The following ECHDC3 variants were observed in gnomAD, a reference collection of about 807,000 sequenced individuals.
ECHDC3 encodes enoyl-CoA hydratase domain-containing protein 3, mitochondrial.
A neutral mutation model predicts 17.9 loss-of-function variants in ECHDC3; 20 were observed. The observed-to-expected ratio is 1.12, with a 90% confidence interval of 0.79 to 1.63. The LOEUF (loss-of-function observed/expected upper bound fraction) is 1.63, where lower values mean the gene tolerates loss of function less well. Ranked by LOEUF, ECHDC3 falls within the 40% of genes most tolerant of loss-of-function variation. The pLI is 0.00. For missense variants in ECHDC3, 407 were observed against 357.7 expected, an observed-to-expected ratio of 1.14 and a Z score of -1.11; for synonymous variants, 177 against 149.7, an observed-to-expected ratio of 1.18 and a Z score of -1.33.
At chr10:11,744,231 A>T (rs1304768968) in intron 1 of ECHDC3, among the ~76,000 whole-genome samples, 1 of 152,226 alleles carries the variant, frequency 6.6e-6, no homozygotes, top group African/African-American at 2.4e-5. Context: ...GTTCAGGGCC[A>T]CACGGCCAGT....
At position 11,755,554 on chromosome 10, in the gene ECHDC3, C is replaced by T. The variant is rs762011827; in HGVS notation, c.537C>T (p.Val179=). ...CTTTTGCCACTCCTGGGGTGAACGT[C>T]GGGCTCTTCTGTTCTACCCCTGGGG... The part of the protein sequence containing the change: ...KSSFATPGVN[V]GLFCSTPGVA... Residue 179 remains valine, a synonymous_variant, in exon 4 of 5, where the codon GTC becomes GTT. Coordinates refer to ENST00000379215, the MANE Select transcript of ECHDC3 (RefSeq NM_024693.5). 2.5e-6 allele frequency: 4 copies of T among 1,613,930 alleles called. No homozygotes were observed. The highest frequency in any genetic ancestry group is 2.5e-6 in the Non-Finnish European group (3 of 1,180,008).
chr10:11,748,696 G>A (rs760940173), intron 2 of ECHDC3, among the ~76,000 whole-genome samples: 1 of 152,160 alleles, frequency 6.6e-6, no homozygotes, highest in Non-Finnish European at 1.5e-5. Context: ...GACCAGCCTG[G>A]CCAACGTGGC....
intron 3 of ECHDC3, among the ~76,000 whole-genome samples, chr10:11,752,802 A>G (rs1472787044): frequency 1.3e-5 from 2 of 152,182 alleles, no homozygotes; most frequent in Admixed American, 6.5e-5. Context: ...AGGCAGAGTA[A>G]GTGACAGACT....
intron 4 of ECHDC3, among the ~76,000 whole-genome samples, chr10:11,759,372 A>G (rs1160722334): frequency 2.1e-5 from 1 of 48,118 alleles, no homozygotes; most frequent in African/African-American, 6.2e-5. Context: ...AAAAAAAAAC[A>G]AAAAAAAAAA....
At chr10:11,747,560 T>C in intron 2 of ECHDC3, 90 bp downstream of exon 2, 2 of 1,474,060 alleles carry the variant, frequency 1.4e-6, no homozygotes, top group Non-Finnish European at 1.8e-6. Context: ...TTTATTTAAC[T>C]GGAGAATTGT....
rs535821632 is a variant in ECHDC3 at position 11,753,147 on chromosome 10, G to A, written c.391-2261G>A. ...TGTAATCCCAGCGCTTTGGGAGGCCGAGGTGAGTGGATCAGTTGAGGTGAG... is the reference window on the plus strand; with the variant it reads ...TGTAATCCCAGCGCTTTGGGAGGCCAAGGTGAGTGGATCAGTTGAGGTGAG... On this transcript the variant is annotated intron_variant, in intron 3 of 4. Coordinates refer to ENST00000379215, the MANE Select transcript of ECHDC3 (RefSeq NM_024693.5). Among the ~76,000 whole-genome samples, 70 of 152,248 alleles carry A rather than the reference G, an allele frequency of 4.6e-4. 2 individuals are homozygous for A. In the South Asian group the frequency reaches 0.013, roughly 29 times the overall value.
rs112623624 is a variant in ECHDC3 at position 11,744,568 on chromosome 10, A to C, written c.170+1822A>C. On this transcript the variant is annotated intron_variant, in intron 1 of 4. Transcript: ENST00000379215. ...ACACTTATCACATGCTCTGGTGGTG[A>C]CCTCATTCTTAAAGAGGTTTTCTCT... is the stretch of plus-strand genomic sequence containing the variant. Among the ~76,000 whole-genome samples, 1,162 of 151,438 alleles carry C rather than the reference A, an allele frequency of 7.7e-3. 21 individuals carry two copies. The highest frequency in any genetic ancestry group is 0.025 in the African/African-American group (1,051 of 41,216).
At chr10:11,760,059 G>T (rs923587726) in intron 4 of ECHDC3, among the ~76,000 whole-genome samples, 7 of 152,214 alleles carry the variant, frequency 4.6e-5, no homozygotes, top group Admixed American at 1.3e-4. Context: ...TCTTCTGCAA[G>T]CAAAATCTTC....
chr10:11,743,121 G>A (rs912442452), intron 1 of ECHDC3, among the ~76,000 whole-genome samples: 1 of 152,210 alleles, frequency 6.6e-6, no homozygotes, highest in East Asian at 1.9e-4. Flanking sequence ...ACAGTAAATA[G>A]GACAAAGTGC....
Position 11,755,488 on chromosome 10 carries a change from G to A in ECHDC3, c.471G>A (p.Leu157=), listed in dbSNP as rs147032132. 5.8e-4 allele frequency: 941 copies of A among 1,614,140 alleles called. 6 individuals are homozygous for A. In the African/African-American group the frequency reaches 0.011, roughly 19 times the overall value. ...NGLAAAAGCQ[L]VASCDIAVAS... ...TGGCCGCGGCTGCCGGCTGTCAACT[G>A]GTTGCCAGCTGCGACATTGCCGTGG... The change falls in exon 4 of 5, where the codon CTG becomes CTA. Residue 157 remains leucine (L), a synonymous_variant. Coordinates refer to ENST00000379215, the MANE Select transcript of ECHDC3 (RefSeq NM_024693.5).
At chr10:11,761,571 T>C (rs1467604481) in intron 4 of ECHDC3, among the ~76,000 whole-genome samples, 1 of 152,240 alleles carries the variant, frequency 6.6e-6, no homozygotes, top group East Asian at 1.9e-4. Flanking sequence ...TCCAGAAGGT[T>C]GGCAGCCTCA....
intron 4 of ECHDC3, among the ~76,000 whole-genome samples, chr10:11,760,445 G>A (rs78387205): frequency 0.022 from 3,362 of 152,300 alleles, 123 homozygotes; most frequent in African/African-American, 0.076. Context: ...CTGCTGAGCC[G>A]GCCAGGAAGG....
intron 4 of ECHDC3, among the ~76,000 whole-genome samples, chr10:11,762,865 C>T (rs1832970009): frequency 1.3e-5 from 2 of 152,018 alleles, no homozygotes; most frequent in South Asian, 4.1e-4. Flanking sequence ...ACCCCCACTC[C>T]CCGCCACCCC....
chr10:11,749,156 C>G (rs1046413113), intron 2 of ECHDC3, among the ~76,000 whole-genome samples: 4 of 152,308 alleles, frequency 2.6e-5, no homozygotes, highest in African/African-American at 7.2e-5. Context: ...TCAATACACT[C>G]AGGCCAGAGC....
At chr10:11,744,595 C>A (rs1024052196) in intron 1 of ECHDC3, among the ~76,000 whole-genome samples, 2 of 151,724 alleles carry the variant, frequency 1.3e-5, no homozygotes, top group Non-Finnish European at 2.9e-5. Flanking sequence ...GTTTTCTCTT[C>A]GGATAGGTGA....
chr10:11,749,203 G>A (rs1057049673), intron 2 of ECHDC3, among the ~76,000 whole-genome samples: 6 of 152,150 alleles, frequency 3.9e-5, no homozygotes, highest in Admixed American at 1.3e-4. Flanking sequence ...AAATACCTTC[G>A]CCTTGGTAAC....
In ECHDC3 at chr10:11,742,664, T is replaced by C; in HGVS notation, c.88T>C (p.Phe30Leu). ...RGPWAQLPAR[F>L]CSRDPAGAGR... The stretch of plus-strand genomic sequence containing the variant: ...CCCCTGGGCCCAGCTCCCCGCCCGC[T>C]TCTGCAGCCGGGACCCGGCCGGGGC... Residue 30 changes from phenylalanine to leucine, a missense_variant, in exon 1 of 5, where the codon TTC (phenylalanine) becomes CTC (leucine). Coordinates refer to ENST00000379215, the MANE Select transcript of ECHDC3 (RefSeq NM_024693.5). 8.0e-7 allele frequency: 1 copy of C among 1,248,048 alleles called. No homozygotes were observed. The allele number at this position is 1,248,048 out of a possible 1,614,324, so 77.3% of individuals were successfully genotyped here.
At chr10:11,758,795 G>A (rs1365908861) in intron 4 of ECHDC3, among the ~76,000 whole-genome samples, 1 of 152,234 alleles carries the variant, frequency 6.6e-6, no homozygotes, top group Non-Finnish European at 1.5e-5. Flanking sequence ...GTGCCAGTGC[G>A]AATGCATGTG....
At chr10:11,758,017 C>T (rs899703278) in intron 4 of ECHDC3, among the ~76,000 whole-genome samples, 1 of 152,076 alleles carries the variant, frequency 6.6e-6, no homozygotes, top group Non-Finnish European at 1.5e-5. Flanking sequence ...CACAGGGAAG[C>T]TAGCAGGTAC....
Sources: allele counts gnomAD v4.1 joint callset (sites outside exome capture counted in the v4.1 genomes callset), GRCh38; gene constraint gnomAD v4.1.1; transcripts MANE v1.5; gene names NCBI Gene and HGNC (gene_info 2026-07-23, HGNC 2026-07-21).